TTC27: variants seen among roughly 807,000 people sequenced by gnomAD.
TTC27 encodes tetratricopeptide repeat protein 27.
Under a neutral mutation model 115.9 loss-of-function variants are expected in TTC27, and 79 were observed. The observed-to-expected ratio is 0.68, with a 90% CI of 0.57 to 0.82. The LOEUF is 0.82. Ranked by LOEUF, TTC27 falls within the 40% of genes least tolerant of loss-of-function variation. The probability of loss-of-function intolerance (pLI) is 0.00; values close to 1 mark genes in which losing one functional copy is unlikely to be tolerated. For missense variants in TTC27, 1,054 were observed against 993.1 expected (o/e 1.06, Z -0.82); for synonymous variants, 401 against 356.0 (o/e 1.13, Z -1.42).
At chr2:32,736,965 C>T in intron 12 of TTC27, 149 bp downstream of exon 12, 1 of 1,103,446 alleles carries the variant, frequency 9.1e-7, no homozygotes, top group South Asian at 1.7e-5. Context: ...AATGTTTTCT[C>T]TGATTTCCAC....
intron 12 of TTC27, among the ~76,000 whole-genome samples, chr2:32,754,980 A>T (rs1336154368): frequency 6.7e-6 from 1 of 150,112 alleles, no homozygotes; most frequent in South Asian, 2.1e-4. Context: ...CACTTCTCAG[A>T]CGGGGCGGCT....
chr2:32,803,101 A>G (rs550674448), intron 16 of TTC27, among the ~76,000 whole-genome samples: 3 of 152,284 alleles, frequency 2.0e-5, no homozygotes, highest in Admixed American at 6.5e-5. Flanking sequence ...GAGCTCACCC[A>G]TTGGATACAC....
At chr2:32,761,335 C>T (rs1310772587) in intron 13 of TTC27, among the ~76,000 whole-genome samples, 3 of 152,168 alleles carry the variant, frequency 2.0e-5, no homozygotes, top group Non-Finnish European at 4.4e-5. Flanking sequence ...TCATCCTGGT[C>T]CAAATCCCCA....
intron 5 of TTC27, among the ~76,000 whole-genome samples, chr2:32,656,516 G>C (rs1245863720): frequency 6.6e-6 from 1 of 152,116 alleles, no homozygotes; most frequent in East Asian, 1.9e-4. Flanking sequence ...GAGTGTGAAG[G>C]GTGTGTGTCT....
intron 13 of TTC27, among the ~76,000 whole-genome samples, chr2:32,763,288 G>A (rs573974151): frequency 6.6e-6 from 1 of 152,172 alleles, no homozygotes; most frequent in South Asian, 2.1e-4. Flanking sequence ...AACCAAGTTT[G>A]AACTGTCTGG....
In TTC27 at chr2:32,803,209, C is replaced by T. The variant is rs546184764; in HGVS notation, c.1999-7815C>T. 1.2e-4 allele frequency among the ~76,000 whole-genome samples: 18 copies of T among 152,348 alleles called. No individual in the cohort carries two copies. In the South Asian group the frequency reaches 3.5e-3, roughly 30 times the overall value. On this transcript the variant is annotated intron_variant, in intron 16 of 19. Coordinates refer to ENST00000317907, the MANE Select transcript of TTC27 (RefSeq NM_017735.5). ...ATTGCTCTTTTCCAATGCCCATCTT[C>T]CTGAGTAGTTATCTAACCTCAGTGA...
intron 10 of TTC27, among the ~76,000 whole-genome samples, chr2:32,723,716 C>CTCCA (rs1668005261): frequency 2.1e-5 from 1 of 48,590 alleles, no homozygotes; most frequent in African/African-American, 9.2e-5. Context: ...CCCTCCCTCC[C>CTCCA]TCCCTCCCTC....
intron 12 of TTC27, among the ~76,000 whole-genome samples, chr2:32,738,390 G>A (rs1668516585): frequency 6.6e-6 from 1 of 152,208 alleles, no homozygotes; most frequent in African/African-American, 2.4e-5. Flanking sequence ...TGTGACATGA[G>A]TGCTTGCTGC....
chr2:32,726,309 CTTCCCT>C (rs1558312301), intron 10 of TTC27, among the ~76,000 whole-genome samples: 1 of 152,212 alleles, frequency 6.6e-6, no homozygotes, highest in Non-Finnish European at 1.5e-5. Flanking sequence ...TTATGCTCTG[CTTCCCT>C]TATAAAACGG....
intron 12 of TTC27, among the ~76,000 whole-genome samples, chr2:32,737,136 C>T (rs1668476413): frequency 6.6e-6 from 1 of 152,188 alleles, no homozygotes; most frequent in African/African-American, 2.4e-5. Flanking sequence ...TGATCAGATG[C>T]TGTGGGCCTC....
intron 10 of TTC27, among the ~76,000 whole-genome samples, chr2:32,724,987 C>G (rs934629971): frequency 3.9e-5 from 6 of 152,172 alleles, no homozygotes; most frequent in African/African-American, 1.4e-4. Flanking sequence ...AAAGAGAGAG[C>G]TTGCGCAGGG....
chr2:32,811,880 G>A (rs930101041), intron 17 of TTC27, among the ~76,000 whole-genome samples: 2 of 152,092 alleles, frequency 1.3e-5, no homozygotes, highest in Non-Finnish European at 2.9e-5. Context: ...AATTAGCCAC[G>A]GCACAGCTAA....
At chr2:32,669,108 A>T (rs1276003035) in intron 7 of TTC27, among the ~76,000 whole-genome samples, 2 of 152,142 alleles carry the variant, frequency 1.3e-5, no homozygotes, top group Non-Finnish European at 1.5e-5. Context: ...TAAATAAAAA[A>T]TAAATTTTAC....
chr2:32,668,689 T>A (rs1235681177), intron 7 of TTC27, among the ~76,000 whole-genome samples: 2 of 151,898 alleles, frequency 1.3e-5, no homozygotes, highest in Non-Finnish European at 2.9e-5. Context: ...CCCAAAGTGC[T>A]GGGATTCACC....
At chr2:32,721,881 G>T (rs1353659884) in intron 10 of TTC27, among the ~76,000 whole-genome samples, 1 of 152,090 alleles carries the variant, frequency 6.6e-6, no homozygotes, top group Non-Finnish European at 1.5e-5. Context: ...ACTTCCCAAA[G>T]CACTGGGATT....
chr2:32,774,596 G>C lies in TTC27; in HGVS notation c.1681-3286G>C, dbSNP rs187841141. On this transcript the variant is annotated intron_variant, in intron 13 of 19. Transcript: ENST00000317907. ...ACAACTATGTTCTGAGGAATCGAGA[G>C]AGGTTTTTTTTGAAGCTTCTTTTGA... 7.2e-5 allele frequency among the ~76,000 whole-genome samples: 11 copies of C among 152,292 alleles called. No individual in the cohort carries two copies. The East Asian group carries it at 1.5e-3, about 21-fold the overall frequency.
intron 10 of TTC27, among the ~76,000 whole-genome samples, chr2:32,729,728 T>A (rs1668229236): frequency 6.6e-6 from 1 of 151,934 alleles, no homozygotes; most frequent in African/African-American, 2.4e-5. Context: ...TTTACGTTTA[T>A]TCACATCTCT....
chr2:32,705,404 A>G (rs1015712560), intron 10 of TTC27, among the ~76,000 whole-genome samples: 1 of 152,216 alleles, frequency 6.6e-6, no homozygotes, highest in Non-Finnish European at 1.5e-5. Flanking sequence ...ACAGGGAGTT[A>G]CTTTGAGACC....
At chr2:32,765,869 C>T (rs1305754979) in intron 13 of TTC27, among the ~76,000 whole-genome samples, 1 of 152,178 alleles carries the variant, frequency 6.6e-6, no homozygotes, top group Non-Finnish European at 1.5e-5. Flanking sequence ...CCACCTTTCT[C>T]AGCCTTCACA....
Sources: gnomAD v4.1 joint callset for allele counts (sites outside exome capture counted in the v4.1 genomes callset) on GRCh38, gnomAD v4.1.1 for gene constraint, MANE v1.5 for transcripts, NCBI Gene and HGNC (gene_info 2026-07-23, HGNC 2026-07-21) for gene names.